Variants in PPP1R12A observed in about 807,000 individuals in gnomAD.
The protein encoded by PPP1R12A is protein phosphatase 1 regulatory subunit 12A.
A neutral mutation model predicts 139.6 loss-of-function variants in PPP1R12A; 19 were observed. That is an observed-to-expected ratio of 0.14 (90% CI 0.09 to 0.20). PPP1R12A has a LOEUF of 0.20. PPP1R12A is among the 10% of genes least tolerant of loss of function. The probability of loss-of-function intolerance (pLI) is 1.00; values close to 1 mark genes in which losing one functional copy is unlikely to be tolerated. For synonymous variants in PPP1R12A, 427 were observed against 420.6 expected (o/e 1.02, Z -0.19); for missense variants, 925 against 1,211.5 (o/e 0.76, Z 3.51).
upstream of PPP1R12A, chr12:79,935,156 C>T (rs1483605813): frequency 1.5e-6 from 2 of 1,344,066 alleles, no homozygotes; most frequent in Non-Finnish European, 9.5e-7. Flanking sequence ...CTCCCGCCCC[C>T]AGCACGGCCA....
chr12:79,930,400 T>C (rs769307586), intron 1 of PPP1R12A, among the ~76,000 whole-genome samples: 12 of 152,084 alleles, frequency 7.9e-5, no homozygotes, highest in Non-Finnish European at 1.3e-4. Context: ...AAGATTAATA[T>C]GACAGCAATA....
At chr12:79,878,394 G>A (rs1592757455) in intron 1 of PPP1R12A, 1 of 152,130 alleles carries the variant, frequency 6.6e-6, no homozygotes, top group East Asian at 1.9e-4. Flanking sequence ...GATGAGATCA[G>A]GTGTTTTCAA....
chr12:79,889,742 T>C (rs1884420496), intron 1 of PPP1R12A, among the ~76,000 whole-genome samples: 1 of 152,184 alleles, frequency 6.6e-6, no homozygotes, highest in Admixed American at 6.5e-5. Flanking sequence ...GCTGCTGTCA[T>C]TTTTAAAATA....
At chr12:79,789,644 C>A in intron 20 of PPP1R12A, 1 of 454,150 alleles carries the variant, frequency 2.2e-6, no homozygotes. Context: ...TCAATAGAAT[C>A]ATCAGTAGAC....
At chr12:79,781,932 T>C in intron 22 of PPP1R12A, 70 bp from the exon 23 acceptor site, 1 of 826,668 alleles carries the variant, frequency 1.2e-6, no homozygotes, top group Non-Finnish European at 1.9e-6. Flanking sequence ...AGTAATTCTC[T>C]TTTAATAGGT....
intron 1 of PPP1R12A, among the ~76,000 whole-genome samples, chr12:79,897,811 T>C (rs752820367): frequency 3.8e-4 from 58 of 152,178 alleles, no homozygotes; most frequent in Admixed American, 1.4e-3. Context: ...TCTACCACCA[T>C]TCACAGGCTT....
chr12:79,912,024 C>A (rs897818174), intron 1 of PPP1R12A, among the ~76,000 whole-genome samples: 1 of 152,128 alleles, frequency 6.6e-6, no homozygotes, highest in African/African-American at 2.4e-5. Context: ...TTCTTCTCAC[C>A]CCCTGTGCTC....
intron 3 of PPP1R12A, among the ~76,000 whole-genome samples, chr12:79,843,611 A>ATATAG (rs1879013983): frequency 3.7e-5 from 5 of 134,904 alleles, no homozygotes; most frequent in Non-Finnish European, 7.8e-5. Flanking sequence ...CTCAAAAAAA[A>ATATAG]ATATAGATAT....
At chr12:79,808,678 T>C (rs896568540) in intron 10 of PPP1R12A, 101 bp from the exon 11 acceptor site, 11 of 557,932 alleles carry the variant, frequency 2.0e-5, no homozygotes, top group Admixed American at 3.2e-5. Context: ...TATAATTACA[T>C]AGCTATCATA....
At chr12:79,904,740 C>A (rs1348143104) in intron 1 of PPP1R12A, among the ~76,000 whole-genome samples, 1 of 152,138 alleles carries the variant, frequency 6.6e-6, no homozygotes, top group Non-Finnish European at 1.5e-5. Flanking sequence ...CTGCAGATTT[C>A]ACTTGCTCCA....
In PPP1R12A at chr12:79,773,702, C is replaced by CAA. The variant is rs1869474654; in HGVS notation, c.*2225_*2226dup. Reference sequence around the variant, plus strand: ...TGCTGTGCAAATTATCACAATATTACAATTTCAGAAATTATTCAAATTGGT... The same window carrying CAA: ...TGCTGTGCAAATTATCACAATATTACAAAATTTCAGAAATTATTCAAATTGGT... On this transcript the variant is annotated 3_prime_UTR_variant, in exon 25 of 25. Coordinates refer to ENST00000450142, the MANE Select transcript of PPP1R12A (RefSeq NM_002480.3). 6.6e-6 allele frequency: 1 copy of CAA among 152,118 alleles called. No homozygotes were observed. The highest frequency in any genetic ancestry group is 1.5e-5 in the Non-Finnish European group (1 of 68,028). The allele number at this position is 152,118 out of a possible 1,614,324, so 9.4% of individuals were successfully genotyped here. A position where few individuals can be genotyped will look rare whatever the true frequency, so the allele number is the denominator to read the frequency against.
intron 19 of PPP1R12A, 177 bp downstream of exon 19, chr12:79,793,686 G>C (rs1872162275): frequency 1.9e-6 from 1 of 516,244 alleles, no homozygotes; most frequent in Non-Finnish European, 3.3e-6. Context: ...ACATTATTTT[G>C]TGACCCTTCC....
At chr12:79,929,806 TA>T (rs1397078402) in intron 1 of PPP1R12A, among the ~76,000 whole-genome samples, 1 of 151,994 alleles carries the variant, frequency 6.6e-6, no homozygotes, top group Non-Finnish European at 1.5e-5. Context: ...CTCAAGATAT[TA>T]AAATATATTG....
chr12:79,871,213 T>C (rs1047587948), intron 2 of PPP1R12A, among the ~76,000 whole-genome samples: 1 of 152,224 alleles, frequency 6.6e-6, no homozygotes, highest in Non-Finnish European at 1.5e-5. Context: ...GTATAACAAG[T>C]ACCATTATTC....
intron 23 of PPP1R12A, 139 bp downstream of exon 23, chr12:79,781,676 T>C: frequency 2.1e-6 from 1 of 484,152 alleles, no homozygotes; most frequent in East Asian, 3.3e-5. Flanking sequence ...AAGAAGTTGC[T>C]GCAAAATACA....
rs190317071 is a variant in PPP1R12A at position 79,891,915 on chromosome 12, C to T, written c.238-18977G>A. ...CTACCCAAGCCTTCAGATGAGATGG[C>T]AGTCCCAGCCAATAGCTCGAGGAAA... On this transcript the variant is annotated intron_variant, in intron 1 of 24. Transcript: ENST00000450142. Among the ~76,000 whole-genome samples the T allele has an allele frequency of 3.7e-3, 556 of 152,248 alleles. 4 individuals carry two copies. Among genetic ancestry groups the T allele is most frequent in the Non-Finnish European group, 5.3e-3 (359 of 68,020 alleles).
At chr12:79,887,228 G>C (rs1050663178) in intron 1 of PPP1R12A, among the ~76,000 whole-genome samples, 1 of 152,112 alleles carries the variant, frequency 6.6e-6, no homozygotes, top group African/African-American at 2.4e-5. Flanking sequence ...ATGACCTACT[G>C]TGTGTATGTA....
At chr12:79,931,545 A>G (rs1477792775) in intron 1 of PPP1R12A, among the ~76,000 whole-genome samples, 1 of 152,218 alleles carries the variant, frequency 6.6e-6, no homozygotes, top group African/African-American at 2.4e-5. Flanking sequence ...CACCAGTATC[A>G]GTAAGAATCA....
At chr12:79,814,807 C>G (rs1222813404) in intron 9 of PPP1R12A, among the ~76,000 whole-genome samples, 2 of 82,774 alleles carry the variant, frequency 2.4e-5, no homozygotes, top group Non-Finnish European at 4.3e-5. Context: ...AAGAGTGAAA[C>G]TCTGTCTCAA....
Sources: gnomAD v4.1 joint callset for allele counts (sites outside exome capture counted in the v4.1 genomes callset) on GRCh38, gnomAD v4.1.1 for gene constraint, MANE v1.5 for transcripts, NCBI Gene and HGNC (gene_info 2026-07-23, HGNC 2026-07-21) for gene names.